Variants in SEMA6D observed in about 807,000 individuals in gnomAD.
SEMA6D encodes the protein semaphorin 6D.
SEMA6D carries 35 observed loss-of-function variants against 106.6 expected under a neutral mutation model. That is an observed-to-expected ratio of 0.33 (90% CI 0.25 to 0.44). The LOEUF is 0.44. SEMA6D is among the 20% of genes least tolerant of loss of function. The probability of loss-of-function intolerance (pLI) is 1.00; values close to 1 mark genes in which losing one functional copy is unlikely to be tolerated. For synonymous variants in SEMA6D, 499 were observed against 487.7 expected, an observed-to-expected ratio of 1.02 and a Z score of -0.31; for missense variants, 1,185 against 1,345.9, an observed-to-expected ratio of 0.88 and a Z score of 1.87.
intron 1 of SEMA6D, among the ~76,000 whole-genome samples, chr15:47,745,889 CA>C (rs2081102967): frequency 6.6e-6 from 1 of 152,144 alleles, no homozygotes; most frequent in South Asian, 2.1e-4. Context: ...ATTATGAACT[CA>C]CAGGAAGTTG....
At chr15:47,229,804 G>C (rs114270312) in intron 1 of SEMA6D, among the ~76,000 whole-genome samples, 1,693 of 152,066 alleles carry the variant, frequency 0.011, 29 homozygotes, top group African/African-American at 0.037. Flanking sequence ...GACTGAATAT[G>C]TTCTATGCTT....
chr15:47,545,631 A>C (rs529773398), intron 3 of SEMA6D, among the ~76,000 whole-genome samples: 2 of 152,264 alleles, frequency 1.3e-5, no homozygotes, highest in South Asian at 2.1e-4. Flanking sequence ...CTAACTTCTA[A>C]GATTTAAGTA....
intron 1 of SEMA6D, among the ~76,000 whole-genome samples, chr15:47,723,177 G>A (rs2079523411): frequency 6.6e-6 from 1 of 152,118 alleles, no homozygotes; most frequent in Admixed American, 6.5e-5. Flanking sequence ...CGGTGGATGT[G>A]CTCTTAAATT....
At chr15:47,679,380 A>G (rs1303808506) in intron 4 of SEMA6D, among the ~76,000 whole-genome samples, 4 of 152,184 alleles carry the variant, frequency 2.6e-5, no homozygotes, top group African/African-American at 9.7e-5. Context: ...ACAACATGAT[A>G]TAGTTTTCCA....
chr15:47,301,993 T>C (rs1180318765), intron 1 of SEMA6D, among the ~76,000 whole-genome samples: 2 of 152,138 alleles, frequency 1.3e-5, no homozygotes, highest in East Asian at 1.9e-4. Context: ...AAGAAAAAAG[T>C]TGACAATCAC....
intron 4 of SEMA6D, among the ~76,000 whole-genome samples, chr15:47,640,217 C>T (rs533948461): frequency 1.6e-4 from 24 of 152,132 alleles, no homozygotes; most frequent in Non-Finnish European, 3.2e-4. Context: ...GGATAATTCA[C>T]AGTGTGGGGA....
intron 13 of SEMA6D, chr15:47,765,413 C>A (rs1193146430): frequency 7.5e-6 from 8 of 1,061,770 alleles, no homozygotes; most frequent in Non-Finnish European, 9.1e-6. Context: ...CACATACATA[C>A]ACAGAATGCA....
chr15:47,666,518 T>G (rs2078029364), intron 4 of SEMA6D, among the ~76,000 whole-genome samples: 2 of 152,180 alleles, frequency 1.3e-5, no homozygotes, highest in South Asian at 2.1e-4. Flanking sequence ...AAAGCAAGCC[T>G]TACTGGTTTG....
intron 4 of SEMA6D, among the ~76,000 whole-genome samples, chr15:47,690,404 G>A (rs1302653160): frequency 1.3e-5 from 2 of 152,134 alleles, no homozygotes; most frequent in Admixed American, 1.3e-4. Flanking sequence ...TAGACAATTA[G>A]CATCCACTTC....
chr15:47,696,107 T>A lies in SEMA6D; in HGVS notation c.-54-63638T>A, dbSNP rs73392897. ...TCTCTTCACTCACCCTTAACGCGCT[T>A]CCTTGACCTAAGTTGATGATGGATT... On this transcript the variant is annotated intron_variant, in intron 4 of 19. Transcript: ENST00000558014. Among the ~76,000 whole-genome samples, 653 of 152,296 alleles carry A rather than the reference T, an allele frequency of 4.3e-3. 3 individuals are homozygous for A. The highest frequency in any genetic ancestry group is 0.015 in the African/African-American group (632 of 41,562).
At chr15:47,301,806 T>A (rs1479866464) in intron 1 of SEMA6D, among the ~76,000 whole-genome samples, 2 of 152,314 alleles carry the variant, frequency 1.3e-5, no homozygotes, top group East Asian at 3.9e-4. Context: ...GCATACTGAT[T>A]TGGCCTTTGG....
At chr15:47,481,167 G>C (rs1336304484) in intron 3 of SEMA6D, among the ~76,000 whole-genome samples, 1 of 152,046 alleles carries the variant, frequency 6.6e-6, no homozygotes. Context: ...CAGCTTTCTT[G>C]GTAGTGTTGG....
intron 3 of SEMA6D, among the ~76,000 whole-genome samples, chr15:47,560,345 T>C (rs2046041925): frequency 1.3e-5 from 2 of 151,814 alleles, no homozygotes; most frequent in Admixed American, 6.6e-5. Flanking sequence ...ACTCAACAAA[T>C]AGAGAATTTC....
At chr15:47,671,156 T>G (rs1276580309) in intron 4 of SEMA6D, among the ~76,000 whole-genome samples, 1 of 152,038 alleles carries the variant, frequency 6.6e-6, no homozygotes, top group Non-Finnish European at 1.5e-5. Flanking sequence ...CTGAATTGAG[T>G]TAGAAAAGGA....
chr15:47,647,144 C>T (rs751007894), intron 4 of SEMA6D, among the ~76,000 whole-genome samples: 1 of 152,122 alleles, frequency 6.6e-6, no homozygotes, highest in Non-Finnish European at 1.5e-5. Flanking sequence ...GTTGTCTAAA[C>T]GTTGTAATCA....
intron 4 of SEMA6D, among the ~76,000 whole-genome samples, chr15:47,635,418 A>G (rs1460333722): frequency 3.3e-5 from 5 of 152,190 alleles, no homozygotes; most frequent in Admixed American, 6.5e-5. Context: ...ATATTAAAAC[A>G]GCTCCCAATA....
intron 1 of SEMA6D, among the ~76,000 whole-genome samples, chr15:47,395,343 CTTTGTCAATA>C (rs1263231056): frequency 2.0e-5 from 3 of 152,134 alleles, no homozygotes; most frequent in Admixed American, 6.6e-5. Flanking sequence ...TCTTCAGTGG[CTTTGTCAATA>C]GAGAAATCAA....
At chr15:47,550,504 C>A (rs1028588214) in intron 3 of SEMA6D, among the ~76,000 whole-genome samples, 4 of 151,984 alleles carry the variant, frequency 2.6e-5, no homozygotes, top group African/African-American at 9.7e-5. Flanking sequence ...ATATGTATTC[C>A]CTACTGTGAG....
chr15:47,702,420 G>C (rs942840165), intron 4 of SEMA6D, among the ~76,000 whole-genome samples: 1 of 152,162 alleles, frequency 6.6e-6, no homozygotes, highest in Non-Finnish European at 1.5e-5. Context: ...TTGCTGATGG[G>C]AATGCAAAAT....
Sources: gnomAD v4.1 joint callset for allele counts (sites outside exome capture counted in the v4.1 genomes callset) on GRCh38, gnomAD v4.1.1 for gene constraint, MANE v1.5 for transcripts, NCBI Gene and HGNC (gene_info 2026-07-23, HGNC 2026-07-21) for gene names.